The following PHACTR1 variants were observed in gnomAD, a reference collection of about 807,000 sequenced individuals.
The protein encoded by PHACTR1 is phosphatase and actin regulator 1, also known as RPEL repeat containing 1.
Under a neutral mutation model 69.2 loss-of-function variants are expected in PHACTR1, and 16 were observed. The observed-to-expected ratio is 0.23, with a 90% CI of 0.16 to 0.35. The LOEUF (loss-of-function observed/expected upper bound fraction) is 0.35, where lower values mean the gene tolerates loss of function less well. PHACTR1 is among the 10% of genes least tolerant of loss of function. The pLI, the probability that PHACTR1 is intolerant of heterozygous loss-of-function variation, is 1.00. For missense variants in PHACTR1, 510 were observed against 734.7 expected, an observed-to-expected ratio of 0.69 and a Z score of 3.54; for synonymous variants, 312 against 284.5, an observed-to-expected ratio of 1.10 and a Z score of -0.97.
At chr6:13,094,745 A>T (rs1813884571) in intron 5 of PHACTR1, among the ~76,000 whole-genome samples, 1 of 152,218 alleles carries the variant, frequency 6.6e-6, no homozygotes, top group African/African-American at 2.4e-5. Flanking sequence ...AGAAGAGAGC[A>T]TAAGATTAAG....
chr6:13,105,823 C>G (rs967696951), intron 5 of PHACTR1, among the ~76,000 whole-genome samples: 1 of 152,192 alleles, frequency 6.6e-6, no homozygotes, highest in African/African-American at 2.4e-5. Context: ...AGCATAGATT[C>G]AAGTTGCTCT....
intron 4 of PHACTR1, among the ~76,000 whole-genome samples, chr6:12,751,341 T>A (rs973594475): frequency 6.6e-6 from 1 of 152,234 alleles, no homozygotes; most frequent in African/African-American, 2.4e-5. Flanking sequence ...GGTTCCCACT[T>A]TGGAATTGTT....
chr6:12,846,129 G>A (rs1223650275), intron 4 of PHACTR1, among the ~76,000 whole-genome samples: 3 of 152,090 alleles, frequency 2.0e-5, no homozygotes, highest in Non-Finnish European at 4.4e-5. Context: ...GAAGACTTTC[G>A]CTCTCCACTT....
intron 5 of PHACTR1, among the ~76,000 whole-genome samples, chr6:13,152,288 C>T (rs184106289): frequency 8.1e-4 from 123 of 151,594 alleles, no homozygotes; most frequent in Non-Finnish European, 1.4e-3. Context: ...GTGTCAAGAT[C>T]GAGCCATTGC....
intron 8 of PHACTR1, among the ~76,000 whole-genome samples, chr6:13,222,552 G>A (rs1031327247): frequency 3.3e-5 from 5 of 152,206 alleles, no homozygotes; most frequent in African/African-American, 4.8e-5. Flanking sequence ...ATCATTCAGC[G>A]AATGCTGCAG....
At position 13,134,536 on chromosome 6, in the gene PHACTR1, G is replaced by T. The variant is rs375987976; in HGVS notation, c.416-25668G>T. Among the ~76,000 whole-genome samples the T allele has an allele frequency of 2.2e-4, 33 of 152,196 alleles. No individual in the cohort carries two copies. The South Asian group carries it at 6.0e-3, about 28-fold the overall frequency. ...GAAACATGTGCTGTGTCCACTCAGG[G>T]TTAAGTGGATTAAGGGCGGTGCAAG... On this transcript the variant is annotated intron_variant, in intron 5 of 14. Coordinates refer to ENST00000332995, the MANE Select transcript of PHACTR1 (RefSeq NM_030948.6).
rs1773530789 is a variant in PHACTR1 at position 12,800,200 on chromosome 6, G to C, written c.250+50410G>C. ...TCAAATCCAACCATTTTCTAGGCTA[G>C]ATGTTTAGTCATTTCTTTGGTTAGA... On this transcript the variant is annotated intron_variant, in intron 4 of 14. Transcript: ENST00000332995. Among the ~76,000 whole-genome samples the C allele has an allele frequency of 2.0e-5, 3 of 152,178 alleles. No homozygotes were observed. In the South Asian group the frequency reaches 6.2e-4, roughly 31 times the overall value.
chr6:12,794,177 G>C (rs1290100701), intron 4 of PHACTR1, among the ~76,000 whole-genome samples: 1 of 152,248 alleles, frequency 6.6e-6, no homozygotes, highest in Non-Finnish European at 1.5e-5. Context: ...TGCACACATA[G>C]TAGGCCCTCA....
chr6:12,753,811 A>G lies in PHACTR1; in HGVS notation c.250+4021A>G, dbSNP rs1197545084. On this transcript the variant is annotated intron_variant, in intron 4 of 14. Coordinates refer to ENST00000332995, the MANE Select transcript of PHACTR1 (RefSeq NM_030948.6). Reference sequence around the variant, plus strand: ...ATGGGTCTACAAAAAGAAGTTATAAACTAGGTCCCAGGGTACCTCTCTTCC... The same window carrying G: ...ATGGGTCTACAAAAAGAAGTTATAAGCTAGGTCCCAGGGTACCTCTCTTCC... 3.3e-5 allele frequency among the ~76,000 whole-genome samples: 5 copies of G among 152,088 alleles called. 1 individual carries two copies. In the East Asian group the frequency reaches 7.7e-4, roughly 24 times the overall value.
chr6:13,033,765 A>C (rs1414209351), intron 4 of PHACTR1, among the ~76,000 whole-genome samples: 1 of 152,210 alleles, frequency 6.6e-6, no homozygotes, highest in East Asian at 1.9e-4. Flanking sequence ...TCTCAGTGCT[A>C]TAAAGATAGA....
At chr6:12,899,069 A>G (rs1784950512) in intron 4 of PHACTR1, among the ~76,000 whole-genome samples, 1 of 152,162 alleles carries the variant, frequency 6.6e-6, no homozygotes, top group South Asian at 2.1e-4. Context: ...TATCTGTGAC[A>G]GTGGCCTCCC....
At chr6:13,056,951 A>G (rs552480435) in intron 5 of PHACTR1, among the ~76,000 whole-genome samples, 49 of 152,340 alleles carry the variant, frequency 3.2e-4, no homozygotes, top group African/African-American at 1.1e-3. Flanking sequence ...GACAATGGAA[A>G]GAAGAACATG....
intron 4 of PHACTR1, among the ~76,000 whole-genome samples, chr6:12,841,873 T>A (rs755513880): frequency 6.6e-6 from 1 of 152,202 alleles, no homozygotes; most frequent in African/African-American, 2.4e-5. Context: ...ATATTATCAT[T>A]TAATTAAGCA....
intron 8 of PHACTR1, among the ~76,000 whole-genome samples, chr6:13,208,636 C>T (rs1028759108): frequency 4.0e-5 from 6 of 151,096 alleles, no homozygotes; most frequent in Non-Finnish European, 7.4e-5. Context: ...TGCCCACCCC[C>T]CCAACCCCAT....
intron 4 of PHACTR1, among the ~76,000 whole-genome samples, chr6:13,016,740 T>G (rs1800233760): frequency 6.6e-6 from 1 of 152,136 alleles, no homozygotes; most frequent in Non-Finnish European, 1.5e-5. Flanking sequence ...AATTCACCAT[T>G]AATGGCCAAA....
intron 3 of PHACTR1, chr6:12,749,387 A>T (rs777098185): frequency 1.8e-6 from 1 of 544,590 alleles, no homozygotes; most frequent in African/African-American, 1.9e-5. Context: ...CCAGCCAGGG[A>T]TAGCCTGATC....
chr6:12,925,775 A>G lies in PHACTR1; in HGVS notation c.251-127590A>G, dbSNP rs1380180839. Among the ~76,000 whole-genome samples the G allele has an allele frequency of 2.0e-5, 3 of 152,204 alleles. No individual in the cohort carries two copies. In the East Asian group the frequency reaches 5.8e-4, roughly 29 times the overall value. On this transcript the variant is annotated intron_variant, in intron 4 of 14. Transcript: ENST00000332995. ...TGAGTAACATGAAGTATCAGAGAAC[A>G]AAATGGCCTGGGAGCTCCCATTTCT... is the stretch of plus-strand genomic sequence containing the variant.
chr6:12,725,657 G>A (rs1156309374), intron 3 of PHACTR1, among the ~76,000 whole-genome samples: 1 of 152,212 alleles, frequency 6.6e-6, no homozygotes. Flanking sequence ...CCTATAAAGT[G>A]TCTAGTACCT....
intron 4 of PHACTR1, among the ~76,000 whole-genome samples, chr6:12,800,382 C>T (rs1490902690): frequency 6.6e-6 from 1 of 152,154 alleles, no homozygotes; most frequent in African/African-American, 2.4e-5. Context: ...TGCAGGGAGA[C>T]TAACTTTATT....
Sources: gnomAD v4.1 joint callset for allele counts (sites outside exome capture counted in the v4.1 genomes callset) on GRCh38, gnomAD v4.1.1 for gene constraint, MANE v1.5 for transcripts, NCBI Gene and HGNC (gene_info 2026-07-23, HGNC 2026-07-21) for gene names.